The following PPP4R3A variants were observed in gnomAD, a reference collection of about 807,000 sequenced individuals.
PPP4R3A encodes the protein protein phosphatase 4 regulatory subunit 3A.
Under a neutral mutation model 91.7 loss-of-function variants are expected in PPP4R3A, and 15 were observed. That is an observed-to-expected ratio of 0.16 (90% CI 0.11 to 0.25). The LOEUF (loss-of-function observed/expected upper bound fraction) is 0.25. PPP4R3A is among the 10% of genes least tolerant of loss of function. The pLI is 1.00. For synonymous variants in PPP4R3A, 377 were observed against 348.7 expected (o/e 1.08, Z -0.91); for missense variants, 623 against 998.4 (o/e 0.62, Z 5.07).
At chr14:91,485,845 G>T in intron 2 of PPP4R3A, 115 bp from the exon 3 acceptor site, 1 of 541,768 alleles carries the variant, frequency 1.8e-6, no homozygotes, top group Non-Finnish European at 3.1e-6. Flanking sequence ...ACTAATACTG[G>T]CAATTATCAA....
At chr14:91,469,294 AGTT>A (rs1249313479) in intron 10 of PPP4R3A, among the ~76,000 whole-genome samples, 2 of 152,170 alleles carry the variant, frequency 1.3e-5, no homozygotes, top group Non-Finnish European at 2.9e-5. Context: ...AATGAAATAT[AGTT>A]GTGTTTAATA....
At chr14:91,466,117 T>A (rs769284256) in intron 10 of PPP4R3A, 7 of 371,264 alleles carry the variant, frequency 1.9e-5, no homozygotes, top group Non-Finnish European at 2.6e-5. Context: ...CATCTTGAGG[T>A]ATGGGGAGTT....
intron 1 of PPP4R3A, among the ~76,000 whole-genome samples, chr14:91,507,248 G>C (rs1171505118): frequency 6.6e-6 from 1 of 150,734 alleles, no homozygotes; most frequent in South Asian, 2.1e-4. Flanking sequence ...TTGAACTCAG[G>C]AGATGGAGGT....
intron 2 of PPP4R3A, 32 bp from the exon 3 acceptor site, chr14:91,485,762 A>C (rs1384730542): frequency 4.2e-6 from 6 of 1,436,028 alleles, no homozygotes; most frequent in Non-Finnish European, 5.7e-6. Flanking sequence ...CTGAATGATT[A>C]ACATACACTA....
At chr14:91,494,093 G>A (rs1380238448) in intron 1 of PPP4R3A, among the ~76,000 whole-genome samples, 1 of 151,914 alleles carries the variant, frequency 6.6e-6, no homozygotes, top group Non-Finnish European at 1.5e-5. Flanking sequence ...CTCTACTAAA[G>A]ACACACAAAA....
chr14:91,488,788 C>A lies in PPP4R3A; in HGVS notation c.198+1959G>T, dbSNP rs1182269562. ...GGCCACGGTATAAATTCTAATACCA[C>A]CATCTATGTGGCAGGTAATGCTTAG... is the stretch of plus-strand genomic sequence containing the variant. On this transcript the variant is annotated intron_variant, in intron 2 of 14. Coordinates refer to ENST00000554943, the MANE Select transcript of PPP4R3A (RefSeq NM_001366432.2). Among the ~76,000 whole-genome samples, 4 of 152,128 alleles carry A rather than the reference C, an allele frequency of 2.6e-5. No individual in the cohort carries two copies. The East Asian group carries it at 7.7e-4, about 29-fold the overall frequency.
chr14:91,509,656 C>T lies in PPP4R3A; in HGVS notation c.-9G>A. 2 of 1,591,156 alleles carry T rather than the reference C, an allele frequency of 1.3e-6. No individual in the cohort carries two copies. Among genetic ancestry groups the T allele is most frequent in the Non-Finnish European group, 1.7e-6 (2 of 1,175,390 alleles). ...CGCCGGGTGTCGGTCATCGTGCCGC[C>T]CGGGAACCGGGGCGGGGGCCCCGCC... On this transcript the variant is annotated 5_prime_UTR_variant, in exon 1 of 15. Transcript: ENST00000554943.
At chr14:91,471,915 A>G (rs932881843) in intron 9 of PPP4R3A, among the ~76,000 whole-genome samples, 1 of 151,918 alleles carries the variant, frequency 6.6e-6, no homozygotes, top group Non-Finnish European at 1.5e-5. Flanking sequence ...AAATATAAAA[A>G]TTAGCCAGGC....
At chr14:91,472,065 CAAAAAAA>C (rs549919322) in intron 9 of PPP4R3A, among the ~76,000 whole-genome samples, 272 of 70,294 alleles carry the variant, frequency 3.9e-3, no homozygotes, top group African/African-American at 0.012. Flanking sequence ...ATTCTGTCTC[CAAAAAAA>C]AAAAAAAAAA....
At position 91,501,694 on chromosome 14, in the gene PPP4R3A, G is replaced by A. The variant is rs1890969522; in HGVS notation, c.142+7812C>T. Among the ~76,000 whole-genome samples, 5 of 144,366 alleles carry A rather than the reference G, an allele frequency of 3.5e-5. No individual in the cohort carries two copies. The South Asian group carries it at 1.1e-3, about 32-fold the overall frequency. The allele number at this position is 144,366 out of a possible 152,430, so 94.7% of individuals were successfully genotyped here. A position where few individuals can be genotyped will look rare whatever the true frequency, so the allele number is the denominator to read the frequency against. On this transcript the variant is annotated intron_variant, in intron 1 of 14. Coordinates refer to ENST00000554943, the MANE Select transcript of PPP4R3A (RefSeq NM_001366432.2). The stretch of plus-strand genomic sequence containing the variant: ...GGGGCCCAAAATCTCATGTAGGTGG[G>A]AGACTAAAGTGTGCTTTTTTTTTTT...
At chr14:91,509,482 C>G in intron 1 of PPP4R3A, 24 bp downstream of exon 1, 2 of 1,568,748 alleles carry the variant, frequency 1.3e-6, no homozygotes, top group South Asian at 2.3e-5. Flanking sequence ...CTGCGAGGGT[C>G]CCGCCGCGCG....
At chr14:91,503,619 G>A (rs1412341797) in intron 1 of PPP4R3A, among the ~76,000 whole-genome samples, 1 of 152,132 alleles carries the variant, frequency 6.6e-6, no homozygotes, top group Non-Finnish European at 1.5e-5. Context: ...AATGGATGCT[G>A]GGCTTAATAC....
rs145556828 is a variant in PPP4R3A at position 91,509,642 on chromosome 14, G to A, written c.6C>T (p.Thr2=). ...ACACCTTCACCCGCCGCCGGGTGTCGGTCATCGTGCCGCCCGGGAACCGGG... is the reference window on the plus strand; with the variant it reads ...ACACCTTCACCCGCCGCCGGGTGTCAGTCATCGTGCCGCCCGGGAACCGGG... The part of the protein sequence containing the change: M[T]DTRRRVKVYT... The change falls in exon 1 of 15, where the codon ACC becomes ACT. Residue 2 remains threonine, a synonymous_variant. Transcript: ENST00000554943. 849 of 1,597,470 alleles carry A rather than the reference G, an allele frequency of 5.3e-4. 7 individuals carry two copies. In the African/African-American group the frequency reaches 9.7e-3, roughly 18 times the overall value.
chr14:91,465,717 G>C (rs1888433777), intron 10 of PPP4R3A, among the ~76,000 whole-genome samples: 1 of 152,074 alleles, frequency 6.6e-6, no homozygotes, highest in African/African-American at 2.4e-5. Context: ...TAAAATAAGA[G>C]CTAAGACAAA....
intron 5 of PPP4R3A, 83 bp from the exon 6 acceptor site, chr14:91,476,607 C>G: frequency 9.6e-7 from 1 of 1,043,124 alleles, no homozygotes; most frequent in Non-Finnish European, 1.4e-6. Context: ...CTCTTGTTGC[C>G]GACGCTGGAG....
intron 3 of PPP4R3A, among the ~76,000 whole-genome samples, chr14:91,484,405 A>C (rs1889757124): frequency 6.6e-6 from 1 of 152,180 alleles, no homozygotes; most frequent in Non-Finnish European, 1.5e-5. Flanking sequence ...TTGGTCTGCC[A>C]CCTGTTTTTG....
At chr14:91,475,149 T>C (rs1424177000) in intron 7 of PPP4R3A, 1 of 152,070 alleles carries the variant, frequency 6.6e-6, no homozygotes, top group African/African-American at 2.4e-5. Context: ...ACGTAAAAAG[T>C]TGCTTCCAAA....
At position 91,475,550 on chromosome 14, in the gene PPP4R3A, AG is replaced by A. The variant is rs1889144815; in HGVS notation, c.1266+260del. The A allele has an allele frequency of 3.0e-5, 10 of 337,768 alleles. No individual in the cohort carries two copies. The South Asian group carries it at 3.9e-4, about 13-fold the overall frequency. 20.9% of individuals were successfully genotyped at this position (337,768 alleles called of 1,614,324 possible). ...ATGATTTAAAAAACACAATATAGCA[AG>A]TTGACTTCAGAATTAAAACAAAACA... On this transcript the variant is annotated intron_variant, in intron 7 of 14. Transcript: ENST00000554943.
intron 10 of PPP4R3A, 136 bp downstream of exon 10, chr14:91,470,701 G>A (rs1888780160): frequency 1.3e-5 from 12 of 944,660 alleles, no homozygotes; most frequent in Non-Finnish European, 1.9e-5. Context: ...TGGCAAACCT[G>A]CATAATCAGT....
Sources: gnomAD v4.1 joint callset for allele counts (sites outside exome capture counted in the v4.1 genomes callset) on GRCh38, gnomAD v4.1.1 for gene constraint, MANE v1.5 for transcripts, NCBI Gene and HGNC (gene_info 2026-07-23, HGNC 2026-07-21) for gene names.